The following LYN variants were observed in gnomAD, a reference collection of about 807,000 sequenced individuals.
LYN encodes tyrosine-protein kinase Lyn.
A neutral mutation model predicts 65.0 loss-of-function variants in LYN; 12 were observed. The observed-to-expected ratio is 0.18, with a 90% CI of 0.12 to 0.30. The LOEUF is 0.30. Among genes scored for constraint, LYN ranks in the 10% least tolerant of loss-of-function variants. The pLI, the probability that LYN is intolerant of heterozygous loss-of-function variation, is 1.00. For missense variants in LYN, 380 were observed against 623.2 expected, an observed-to-expected ratio of 0.61 and a Z score of 4.16; for synonymous variants, 222 against 221.2, an observed-to-expected ratio of 1.00 and a Z score of -0.03.
intron 1 of LYN, among the ~76,000 whole-genome samples, chr8:55,891,894 C>T (rs1804972451): frequency 1.3e-5 from 2 of 152,210 alleles, no homozygotes; most frequent in Non-Finnish European, 1.5e-5. Flanking sequence ...CTTTACTCTT[C>T]GTCATTTAAT....
At chr8:55,893,790 T>G (rs1214411657) in intron 1 of LYN, 2 of 126,112 alleles carry the variant, frequency 1.6e-5, no homozygotes, top group African/African-American at 5.4e-5. Flanking sequence ...ATTTTTGTTG[T>G]TTTGTTTTGT....
chr8:55,973,914 C>G (rs973201705), intron 10 of LYN, among the ~76,000 whole-genome samples: 3 of 152,172 alleles, frequency 2.0e-5, no homozygotes, highest in African/African-American at 7.2e-5. Context: ...GAATCTGTCT[C>G]TTTAAAACAA....
intron 10 of LYN, among the ~76,000 whole-genome samples, chr8:55,987,107 A>C (rs565196107): frequency 1.3e-5 from 2 of 152,138 alleles, no homozygotes; most frequent in East Asian, 3.9e-4. Flanking sequence ...GTATTTTTAG[A>C]ATAGAATAAA....
chr8:55,999,159 ACT>A (rs1808451548), intron 11 of LYN, among the ~76,000 whole-genome samples: 2 of 152,182 alleles, frequency 1.3e-5, no homozygotes, highest in South Asian at 4.1e-4. Flanking sequence ...TGCAGTGCTC[ACT>A]GTCTTCTGGA....
intron 10 of LYN, among the ~76,000 whole-genome samples, chr8:55,985,524 T>C (rs1199657630): frequency 6.6e-6 from 1 of 152,232 alleles, no homozygotes; most frequent in Non-Finnish European, 1.5e-5. Flanking sequence ...ACAGGACAAA[T>C]AAGTCAGGGA....
rs146337916 is a variant in LYN at position 55,880,285 on chromosome 8, GA to G, written c.-6+183del. Among the ~76,000 whole-genome samples the G allele has an allele frequency of 6.0e-3, 911 of 152,074 alleles. 29 individuals are homozygous for G. Among genetic ancestry groups the G allele is most frequent in the East Asian group, 0.044 (226 of 5,124 alleles). ...TGGGCTCCGGCGGCGAAGGCTCTTA[GA>G]TGTCTTCAGCCGACGGGTGACCGGG... On this transcript the variant is annotated intron_variant, in intron 1 of 12. Coordinates refer to ENST00000519728, the MANE Select transcript of LYN (RefSeq NM_002350.4).
intron 10 of LYN, among the ~76,000 whole-genome samples, chr8:55,972,917 G>C (rs956497095): frequency 6.6e-6 from 1 of 152,194 alleles, no homozygotes; most frequent in Non-Finnish European, 1.5e-5. Context: ...ATAATGATGC[G>C]ACTTGCTGTC....
chr8:55,892,317 G>T (rs570252809), intron 1 of LYN, among the ~76,000 whole-genome samples: 2 of 152,198 alleles, frequency 1.3e-5, no homozygotes, highest in Non-Finnish European at 2.9e-5. Context: ...CTACTTGGGA[G>T]GCTGAGGCAG....
At position 55,998,489 on chromosome 8, in the gene LYN, A is replaced by G. The variant is rs1035257898; in HGVS notation, c.1194A>G (p.Thr398=). Residue 398 remains threonine (T), a synonymous_variant, in exon 11 of 13, where the codon ACA becomes ACG. Transcript: ENST00000519728. ...LARVIEDNEY[T]AREGAKFPIK... is the part of the protein sequence containing the mutation. ...GAGTAATTGAAGATAATGAGTACACAGCAAGGGAAGGTATGTTGCACTAAT... is the reference window on the plus strand; with the variant it reads ...GAGTAATTGAAGATAATGAGTACACGGCAAGGGAAGGTATGTTGCACTAAT... The G allele has an allele frequency of 6.2e-7, 1 of 1,611,048 alleles. No homozygotes were observed. Among genetic ancestry groups the G allele is most frequent in the African/African-American group, 1.3e-5 (1 of 74,916 alleles).
chr8:55,925,411 C>T (rs1024934532), intron 1 of LYN, among the ~76,000 whole-genome samples: 12 of 152,238 alleles, frequency 7.9e-5, no homozygotes, highest in Non-Finnish European at 1.8e-4. Context: ...GTCCGAGCCA[C>T]TGCGCTCCAC....
chr8:55,995,110 C>T (rs1462978107), intron 10 of LYN, among the ~76,000 whole-genome samples: 2 of 152,152 alleles, frequency 1.3e-5, no homozygotes, highest in Non-Finnish European at 2.9e-5. Flanking sequence ...ATTGCCACCC[C>T]GTGTCATCTG....
intron 1 of LYN, among the ~76,000 whole-genome samples, chr8:55,923,545 A>G (rs1806003991): frequency 6.6e-6 from 1 of 152,012 alleles, no homozygotes; most frequent in Admixed American, 6.6e-5. Flanking sequence ...TAGGTCAAAC[A>G]ACTTTTTTTT....
chr8:55,916,912 C>A (rs1309486403), intron 1 of LYN, among the ~76,000 whole-genome samples: 1 of 151,990 alleles, frequency 6.6e-6, no homozygotes, highest in Non-Finnish European at 1.5e-5. Flanking sequence ...CACAATGGCT[C>A]ATACCTGTAA....
chr8:55,998,577 A>T, intron 11 of LYN, 78 bp downstream of exon 11: 3 of 1,368,140 alleles, frequency 2.2e-6, no homozygotes, highest in Non-Finnish European at 3.1e-6. Context: ...CAAAGCAATT[A>T]CAATAGTCAC....
chr8:55,990,267 C>T (rs1808212434), intron 10 of LYN, among the ~76,000 whole-genome samples: 1 of 146,744 alleles, frequency 6.8e-6, no homozygotes, highest in South Asian at 2.1e-4. Context: ...AAAAAAAGTC[C>T]TGATTGGCCA....
intron 4 of LYN, among the ~76,000 whole-genome samples, chr8:55,948,346 A>G (rs1806844381): frequency 6.6e-6 from 1 of 152,150 alleles, no homozygotes; most frequent in Admixed American, 6.5e-5. Context: ...GATACTTGAA[A>G]TGTCACTTTT....
chr8:55,955,248 C>T (rs751637724), intron 8 of LYN: 7 of 152,310 alleles, frequency 4.6e-5, no homozygotes, highest in East Asian at 1.9e-4. Flanking sequence ...CTTTTAAACA[C>T]GGCACATACT....
At chr8:55,911,265 A>ATATATATACGTGTGTGTATATG (rs1805626155) in intron 1 of LYN, among the ~76,000 whole-genome samples, 1 of 33,378 alleles carries the variant, frequency 3.0e-5, no homozygotes, top group African/African-American at 9.8e-5. Flanking sequence ...GTGTATATAT[A>ATATATATACGTGTGTGTATATG]TATATATATA....
At chr8:55,903,636 G>C (rs77845011) in intron 1 of LYN, among the ~76,000 whole-genome samples, 7,801 of 152,232 alleles carry the variant, frequency 0.051, 670 homozygotes, top group African/African-American at 0.18. Flanking sequence ...AATCTAATCT[G>C]AATAATTAAG....
Sources: allele counts gnomAD v4.1 joint callset (sites outside exome capture counted in the v4.1 genomes callset), GRCh38; gene constraint gnomAD v4.1.1; transcripts MANE v1.5; gene names NCBI Gene and HGNC (gene_info 2026-07-23, HGNC 2026-07-21).